Variants in EPHA6 observed in about 807,000 individuals in gnomAD.
The protein encoded by EPHA6 is EPH receptor A6.
Under a neutral mutation model 112.0 loss-of-function variants are expected in EPHA6, and 50 were observed. That is an observed-to-expected ratio of 0.45 (90% CI 0.36 to 0.56). The LOEUF is 0.56. Among genes scored for constraint, EPHA6 ranks in the 20% least tolerant of loss-of-function variants. The probability of loss-of-function intolerance (pLI) is 0.00; values close to 1 mark genes in which losing one functional copy is unlikely to be tolerated. For synonymous variants in EPHA6, 529 were observed against 490.7 expected, an observed-to-expected ratio of 1.08 and a Z score of -1.03; for missense variants, 1,280 against 1,417.4, an observed-to-expected ratio of 0.90 and a Z score of 1.56.
chr3:97,627,322 T>C (rs2107523561), intron 13 of EPHA6, among the ~76,000 whole-genome samples: 1 of 151,992 alleles, frequency 6.6e-6, no homozygotes, highest in South Asian at 2.1e-4. Flanking sequence ...ATGTTATTAT[T>C]GCTGTGGAGA....
At chr3:97,039,002 T>C (rs1202215079) in intron 3 of EPHA6, among the ~76,000 whole-genome samples, 1 of 152,086 alleles carries the variant, frequency 6.6e-6, no homozygotes, top group African/African-American at 2.4e-5. Context: ...GTGCAGGGGA[T>C]TGAAGCCAAC....
intron 4 of EPHA6, among the ~76,000 whole-genome samples, chr3:97,232,914 A>G (rs1359563956): frequency 6.6e-6 from 1 of 152,100 alleles, no homozygotes; most frequent in Admixed American, 6.6e-5. Context: ...AGTTATGCAC[A>G]TGTTCACTGG....
intron 3 of EPHA6, among the ~76,000 whole-genome samples, chr3:97,116,789 T>C (rs1022200761): frequency 1.8e-4 from 28 of 151,762 alleles, no homozygotes; most frequent in African/African-American, 6.8e-4. Context: ...AGTGCTGTGA[T>C]GAACAAGGGA....
intron 7 of EPHA6, among the ~76,000 whole-genome samples, chr3:97,463,207 C>T (rs1032418544): frequency 6.6e-6 from 1 of 152,030 alleles, no homozygotes. Flanking sequence ...CCCATTAACT[C>T]GTCATTTACA....
chr3:97,286,290 CTT>C (rs1382002465), intron 5 of EPHA6, among the ~76,000 whole-genome samples: 1 of 152,076 alleles, frequency 6.6e-6, no homozygotes. Context: ...GTTTTAAAGT[CTT>C]AACCATAAAA....
At chr3:97,113,082 C>T (rs966899854) in intron 3 of EPHA6, among the ~76,000 whole-genome samples, 2 of 152,128 alleles carry the variant, frequency 1.3e-5, no homozygotes, top group Non-Finnish European at 2.9e-5. Context: ...AGGCCCTCAA[C>T]TCAACTGCTT....
chr3:97,205,191 T>C (rs2077684358), intron 3 of EPHA6, among the ~76,000 whole-genome samples: 1 of 152,090 alleles, frequency 6.6e-6, no homozygotes, highest in Non-Finnish European at 1.5e-5. Flanking sequence ...TGTTTTTCTT[T>C]GGTTTGATGT....
chr3:97,719,272 A>C (rs1447177451), intron 14 of EPHA6, among the ~76,000 whole-genome samples: 1 of 152,048 alleles, frequency 6.6e-6, no homozygotes, highest in Non-Finnish European at 1.5e-5. Flanking sequence ...GATCATGGAC[A>C]ATGTTGAAAC....
intron 3 of EPHA6, among the ~76,000 whole-genome samples, chr3:97,125,479 G>A (rs2048158728): frequency 6.6e-6 from 1 of 152,000 alleles, no homozygotes; most frequent in Admixed American, 6.6e-5. Context: ...TACATATTTT[G>A]GATTTCTTTT....
chr3:97,121,116 T>C (rs2048029238), intron 3 of EPHA6, among the ~76,000 whole-genome samples: 1 of 152,018 alleles, frequency 6.6e-6, no homozygotes, highest in African/African-American at 2.4e-5. Context: ...TTCCCACTGT[T>C]TCCTAAAGCA....
intron 1 of EPHA6, among the ~76,000 whole-genome samples, chr3:96,858,819 C>T (rs1219358443): frequency 6.6e-6 from 1 of 152,020 alleles, no homozygotes; most frequent in African/African-American, 2.4e-5. Context: ...TGGGGCCAAG[C>T]TGGAGCAGAG....
At chr3:97,609,579 T>C (rs2093703060) in intron 12 of EPHA6, among the ~76,000 whole-genome samples, 1 of 151,496 alleles carries the variant, frequency 6.6e-6, no homozygotes, top group Non-Finnish European at 1.5e-5. Flanking sequence ...GCATGATAAA[T>C]TGGGAGCTTT....
At chr3:97,026,861 A>C (rs2044657039) in intron 3 of EPHA6, among the ~76,000 whole-genome samples, 1 of 152,184 alleles carries the variant, frequency 6.6e-6, no homozygotes, top group South Asian at 2.1e-4. Flanking sequence ...TAGTTCATCC[A>C]TTGTGGAAGA....
intron 11 of EPHA6, among the ~76,000 whole-genome samples, chr3:97,570,845 G>A (rs2093326052): frequency 6.6e-6 from 1 of 152,192 alleles, no homozygotes; most frequent in South Asian, 2.1e-4. Flanking sequence ...CCTGAAGCAG[G>A]TGGTGTGCAG....
At chr3:97,075,750 G>C (rs1290761444) in intron 3 of EPHA6, among the ~76,000 whole-genome samples, 2 of 150,964 alleles carry the variant, frequency 1.3e-5, no homozygotes, top group Admixed American at 1.3e-4. Flanking sequence ...ATCTTGCATA[G>C]AGCCAGTGCG....
chr3:97,034,690 A>T (rs1018227154), intron 3 of EPHA6, among the ~76,000 whole-genome samples: 1 of 151,902 alleles, frequency 6.6e-6, no homozygotes. Flanking sequence ...CATATTGCCT[A>T]TACCAGTTGT....
At chr3:97,116,269 T>C (rs1027760374) in intron 3 of EPHA6, among the ~76,000 whole-genome samples, 4 of 151,730 alleles carry the variant, frequency 2.6e-5, no homozygotes, top group Non-Finnish European at 3.0e-5. Context: ...GTATACAATG[T>C]GATGTTTTGA....
intron 3 of EPHA6, among the ~76,000 whole-genome samples, chr3:97,212,841 G>T (rs2077913982): frequency 6.6e-6 from 1 of 152,128 alleles, no homozygotes. Flanking sequence ...GGAATATGGT[G>T]TTAGTTTTCC....
chr3:97,081,404 A>C (rs2046715167), intron 3 of EPHA6, among the ~76,000 whole-genome samples: 2 of 151,992 alleles, frequency 1.3e-5, no homozygotes, highest in African/African-American at 4.8e-5. Flanking sequence ...AACATTTTTT[A>C]AGAACTACAG....
Sources: allele counts gnomAD v4.1 joint callset (sites outside exome capture counted in the v4.1 genomes callset), GRCh38; gene constraint gnomAD v4.1.1; transcripts MANE v1.5; gene names NCBI Gene and HGNC (gene_info 2026-07-23, HGNC 2026-07-21).